GRIN2A: variants seen among roughly 807,000 people sequenced by gnomAD.
GRIN2A encodes the protein glutamate receptor ionotropic, NMDA 2A.
Under a neutral mutation model 113.4 loss-of-function variants are expected in GRIN2A, and 22 were observed. That is an observed-to-expected ratio of 0.19 (90% CI 0.14 to 0.28). GRIN2A has a LOEUF of 0.28. Among genes scored for constraint, GRIN2A ranks in the 10% least tolerant of loss-of-function variants. GRIN2A has a pLI of 1.00. For missense variants in GRIN2A, 1,502 were observed against 1,887.0 expected (o/e 0.80, Z 3.78); for synonymous variants, 827 against 738.4 (o/e 1.12, Z -1.94).
chr16:9,823,718 C>G (rs1470583713), intron 9 of GRIN2A, among the ~76,000 whole-genome samples: 2 of 152,152 alleles, frequency 1.3e-5, no homozygotes, highest in African/African-American at 2.4e-5. Flanking sequence ...GATAAGAAAA[C>G]TGAGGCTCAG....
intron 2 of GRIN2A, among the ~76,000 whole-genome samples, chr16:10,013,007 G>A (rs2046537142): frequency 1.3e-5 from 2 of 152,158 alleles, no homozygotes; most frequent in African/African-American, 2.4e-5. Flanking sequence ...ACCAGTTCTT[G>A]GGTGGGAGGC....
At chr16:9,951,036 C>T (rs2045167398) in intron 2 of GRIN2A, among the ~76,000 whole-genome samples, 1 of 152,182 alleles carries the variant, frequency 6.6e-6, no homozygotes, top group Non-Finnish European at 1.5e-5. Flanking sequence ...ACGTGCACCT[C>T]CCTCCTTATC....
At chr16:9,971,047 T>C (rs1227785983) in intron 2 of GRIN2A, among the ~76,000 whole-genome samples, 2 of 152,170 alleles carry the variant, frequency 1.3e-5, no homozygotes, top group African/African-American at 2.4e-5. Flanking sequence ...TCAGGAATTC[T>C]ATAAAGAGAT....
At chr16:9,907,014 C>T (rs1465970166) in intron 3 of GRIN2A, among the ~76,000 whole-genome samples, 8 of 152,128 alleles carry the variant, frequency 5.3e-5, no homozygotes. Flanking sequence ...GGTTTCACCA[C>T]ATTGCTCAGG....
intron 2 of GRIN2A, among the ~76,000 whole-genome samples, chr16:9,951,028 G>A (rs1453703853): frequency 2.0e-5 from 3 of 152,024 alleles, no homozygotes; most frequent in Non-Finnish European, 2.9e-5. Flanking sequence ...CACTGACAAC[G>A]TGCACCTCCC....
intron 2 of GRIN2A, among the ~76,000 whole-genome samples, chr16:10,012,484 G>A (rs955531289): frequency 3.3e-5 from 5 of 152,168 alleles, no homozygotes; most frequent in Non-Finnish European, 5.9e-5. Context: ...GGAGAAGCAG[G>A]TAAAGAAAAT....
chr16:10,032,879 A>G (rs1370166156), intron 2 of GRIN2A, among the ~76,000 whole-genome samples: 3 of 152,158 alleles, frequency 2.0e-5, no homozygotes, highest in Non-Finnish European at 4.4e-5. Context: ...CACCCAATGG[A>G]GAGTTTCCTT....
At chr16:9,845,442 T>C (rs910546981) in intron 5 of GRIN2A, among the ~76,000 whole-genome samples, 2 of 152,162 alleles carry the variant, frequency 1.3e-5, no homozygotes, top group Non-Finnish European at 2.9e-5. Flanking sequence ...GGTATTGTTA[T>C]CATAGGGGAG....
intron 2 of GRIN2A, among the ~76,000 whole-genome samples, chr16:10,164,711 TG>T: frequency 6.6e-6 from 1 of 152,244 alleles, no homozygotes; most frequent in East Asian, 1.9e-4. Context: ...ATTACTCCAC[TG>T]TATGTTATAT....
intron 4 of GRIN2A, among the ~76,000 whole-genome samples, chr16:9,862,097 C>T (rs1014631883): frequency 6.6e-6 from 1 of 152,166 alleles, no homozygotes; most frequent in African/African-American, 2.4e-5. Context: ...CTAAGGACCC[C>T]ATTTTAAGGA....
chr16:10,149,488 T>C (rs2049521839), intron 2 of GRIN2A, among the ~76,000 whole-genome samples: 1 of 152,236 alleles, frequency 6.6e-6, no homozygotes, highest in South Asian at 2.1e-4. Context: ...AACTCTAAAA[T>C]TATCCTCAAA....
At chr16:9,768,453 T>C (rs754509123) in intron 12 of GRIN2A, among the ~76,000 whole-genome samples, 54 of 152,192 alleles carry the variant, frequency 3.5e-4, no homozygotes, top group Non-Finnish European at 7.1e-4. Context: ...GAAGACCTGA[T>C]AATATTGACT....
intron 2 of GRIN2A, 105 bp downstream of exon 2, chr16:10,179,893 C>CCCAAAACAAAAAAAAAAA: frequency 1.4e-6 from 1 of 719,818 alleles, no homozygotes; most frequent in Non-Finnish European, 2.4e-6. Context: ...CCCCCACCCC[C>CCCAAAACAAAAAAAAAAA]ACTTCACATC....
chr16:9,823,796 C>A (rs925639955), intron 9 of GRIN2A, among the ~76,000 whole-genome samples: 1 of 152,154 alleles, frequency 6.6e-6, no homozygotes, highest in Admixed American at 6.5e-5. Context: ...AACCCGGATG[C>A]GTCTGACCAC....
intron 2 of GRIN2A, among the ~76,000 whole-genome samples, chr16:10,061,991 T>C (rs1045135490): frequency 7.9e-5 from 12 of 152,158 alleles, no homozygotes; most frequent in Admixed American, 2.6e-4. Context: ...AAAGGGATTT[T>C]TGAAACCATT....
intron 2 of GRIN2A, among the ~76,000 whole-genome samples, chr16:10,079,287 A>G (rs949333077): frequency 3.8e-4 from 58 of 152,246 alleles, no homozygotes; most frequent in Non-Finnish European, 1.2e-4. Context: ...AGTGCAAGCT[A>G]GAGAATAATA....
intron 4 of GRIN2A, among the ~76,000 whole-genome samples, chr16:9,890,326 T>A (rs1347136234): frequency 6.6e-6 from 1 of 152,210 alleles, no homozygotes; most frequent in African/African-American, 2.4e-5. Context: ...GAACCAGATA[T>A]TGTCATTGTA....
intron 2 of GRIN2A, among the ~76,000 whole-genome samples, chr16:10,105,503 AT>A (rs1285407232): frequency 1.3e-5 from 2 of 149,836 alleles, no homozygotes; most frequent in Admixed American, 6.6e-5. Flanking sequence ...AAAAAAAAAA[AT>A]CAATGGGGGA....
At chr16:9,849,992 C>G in intron 4 of GRIN2A, 31 bp from the exon 5 acceptor site, 1 of 1,571,766 alleles carries the variant, frequency 6.4e-7, no homozygotes, top group South Asian at 1.1e-5. Context: ...CACAGCTGTG[C>G]TTTCTTCCGC....
Sources: gnomAD v4.1 joint callset for allele counts (sites outside exome capture counted in the v4.1 genomes callset) on GRCh38, gnomAD v4.1.1 for gene constraint, MANE v1.5 for transcripts, NCBI Gene and HGNC (gene_info 2026-07-23, HGNC 2026-07-21) for gene names.